TMEM196: variants seen among roughly 807,000 people sequenced by gnomAD.
The protein encoded by TMEM196 is transmembrane protein 196.
In TMEM196, 17 loss-of-function variants were observed where a neutral mutation model predicts 20.0. The observed-to-expected ratio is 0.85, with a 90% CI of 0.58 to 1.27. The LOEUF (loss-of-function observed/expected upper bound fraction) is 1.27. Ranked by LOEUF, TMEM196 falls within the 50% of genes most tolerant of loss-of-function variation. The probability of loss-of-function intolerance (pLI) is 0.00; values close to 1 mark genes in which losing one functional copy is unlikely to be tolerated. For synonymous variants in TMEM196, 113 were observed against 88.9 expected (o/e 1.27, Z -1.52); for missense variants, 267 against 223.0 (o/e 1.20, Z -1.26).
At chr7:19,727,459 G>A (rs1014828655) in intron 2 of TMEM196, among the ~76,000 whole-genome samples, 7 of 152,094 alleles carry the variant, frequency 4.6e-5, no homozygotes, top group African/African-American at 1.7e-4. Flanking sequence ...ATCCAATAAT[G>A]AACGGGTAAA....
intron 1 of TMEM196, among the ~76,000 whole-genome samples, chr7:19,751,567 T>C (rs1784961358): frequency 6.6e-6 from 1 of 152,240 alleles, no homozygotes; most frequent in South Asian, 2.1e-4. Context: ...GCAGGTATGC[T>C]GATACTTATC....
intron 1 of TMEM196, among the ~76,000 whole-genome samples, chr7:19,744,220 T>A (rs1485518220): frequency 1.3e-5 from 2 of 152,200 alleles, no homozygotes; most frequent in Non-Finnish European, 2.9e-5. Context: ...AGGACCATCA[T>A]AAAATAATTT....
In TMEM196 at chr7:19,721,792, G is replaced by T; in HGVS notation, c.*336C>A. Reference sequence around the variant, plus strand: ...GTCAAATAGTGTTTGTATAGAATATGCATTTTATTTCTGTTTTATTATCTC... The same window carrying T: ...GTCAAATAGTGTTTGTATAGAATATTCATTTTATTTCTGTTTTATTATCTC... On this transcript the variant is annotated 3_prime_UTR_variant, in exon 5 of 5. Coordinates refer to ENST00000405844, the MANE Select transcript of TMEM196 (RefSeq NM_001363562.2). 3.2e-6 allele frequency: 1 copy of T among 313,260 alleles called. No homozygotes were observed. Among genetic ancestry groups the T allele is most frequent in the Non-Finnish European group, 5.8e-6 (1 of 172,120 alleles). The allele number at this position is 313,260 out of a possible 1,614,324, so 19.4% of individuals were successfully genotyped here.
intron 1 of TMEM196, among the ~76,000 whole-genome samples, chr7:19,757,675 G>A (rs1170292193): frequency 6.6e-6 from 1 of 151,914 alleles, no homozygotes. Context: ...ATGAGTTAAA[G>A]TTACTCCTTT....
chr7:19,766,152 A>G (rs1183121701), intron 1 of TMEM196, among the ~76,000 whole-genome samples: 1 of 152,192 alleles, frequency 6.6e-6, no homozygotes, highest in Admixed American at 6.5e-5. Flanking sequence ...TGGTGAAGAA[A>G]TAAAACTTTT....
chr7:19,771,748 C>T (rs978894117), intron 1 of TMEM196, among the ~76,000 whole-genome samples: 3 of 152,074 alleles, frequency 2.0e-5, no homozygotes, highest in African/African-American at 7.2e-5. Context: ...CTAAGGCTTT[C>T]TTGGAGATTC....
At chr7:19,764,361 A>G (rs1005194285) in intron 1 of TMEM196, among the ~76,000 whole-genome samples, 3 of 152,082 alleles carry the variant, frequency 2.0e-5, no homozygotes, top group African/African-American at 7.2e-5. Flanking sequence ...TTCTTTCAGG[A>G]CCTTTTCAAG....
In TMEM196 at chr7:19,719,395, G is replaced by C. The variant is rs568131390; in HGVS notation, c.*2733C>G. The C allele has an allele frequency of 6.7e-6, 1 of 148,236 alleles. No homozygotes were observed. The highest frequency in any genetic ancestry group is 1.5e-5 in the Non-Finnish European group (1 of 65,540). The allele number at this position is 148,236 out of a possible 1,614,324, so 9.2% of individuals were successfully genotyped here. On this transcript the variant is annotated 3_prime_UTR_variant, in exon 5 of 5. Coordinates refer to ENST00000405844, the MANE Select transcript of TMEM196 (RefSeq NM_001363562.2). ...GTTCCACTTCCAAACCATTGTGTGT[G>C]TGTATATACACATATGTGTATGTAT...
intron 1 of TMEM196, among the ~76,000 whole-genome samples, chr7:19,745,912 T>TA (rs1317274398): frequency 7.9e-5 from 12 of 151,898 alleles, no homozygotes; most frequent in African/African-American, 2.4e-4. Flanking sequence ...ATCCAGATTT[T>TA]AAAAAATCAA....
At chr7:19,742,782 T>A (rs1281435382) in intron 1 of TMEM196, among the ~76,000 whole-genome samples, 3 of 152,214 alleles carry the variant, frequency 2.0e-5, no homozygotes, top group Middle Eastern at 3.4e-3. Flanking sequence ...TGGAATGACA[T>A]GGGGATACTT....
chr7:19,760,257 A>T (rs990135178), intron 1 of TMEM196, among the ~76,000 whole-genome samples: 1 of 149,658 alleles, frequency 6.7e-6, no homozygotes, highest in Non-Finnish European at 1.5e-5. Context: ...ATGCCTCATC[A>T]TTCCTGAGAA....
At chr7:19,758,438 A>T (rs572655074) in intron 1 of TMEM196, among the ~76,000 whole-genome samples, 1 of 152,202 alleles carries the variant, frequency 6.6e-6, no homozygotes, top group Non-Finnish European at 1.5e-5. Flanking sequence ...TGGCCAGATA[A>T]CTGCATTTTC....
intron 1 of TMEM196, among the ~76,000 whole-genome samples, chr7:19,748,263 CAAAAAAAAAA>C (rs57276805): frequency 5.1e-3 from 106 of 20,780 alleles, no homozygotes; most frequent in Non-Finnish European, 9.1e-3. Context: ...TGTGGCTGTC[CAAAAAAAAAA>C]AAAAAAAAAA....
At chr7:19,722,990 T>G (rs76287268) in intron 4 of TMEM196, among the ~76,000 whole-genome samples, 1,711 of 152,228 alleles carry the variant, frequency 0.011, 26 homozygotes, top group African/African-American at 0.039. Context: ...GCAGCATCTT[T>G]CCATGCTTGA....
rs575048111 is a variant in TMEM196, at chr7:19,719,637, A to T, written c.*2491T>A. ...AGGTAGTCACTTAAAACATTCCAGC[A>T]TGTGGTTCAATGTATTGTCCAAATT... On this transcript the variant is annotated 3_prime_UTR_variant, in exon 5 of 5. Coordinates refer to ENST00000405844, the MANE Select transcript of TMEM196 (RefSeq NM_001363562.2). 1.3e-5 allele frequency: 2 copies of T among 152,196 alleles called. No individual in the cohort carries two copies. The highest frequency in any genetic ancestry group is 2.1e-4 in the South Asian group (1 of 4,824). 9.4% of individuals were successfully genotyped at this position (152,196 alleles called of 1,614,324 possible).
intron 1 of TMEM196, among the ~76,000 whole-genome samples, chr7:19,733,982 T>G (rs891114987): frequency 6.6e-6 from 1 of 152,050 alleles, no homozygotes; most frequent in Non-Finnish European, 1.5e-5. Flanking sequence ...AGTCTACCAA[T>G]GAGGGGGAGA....
At position 19,739,842 on chromosome 7, in the gene TMEM196, A is replaced by G. The variant is rs555418237; in HGVS notation, c.148-10404T>C. ...CAGAAATCCTTTGATGCTGTTCTTT[A>G]CTGTTCGATAATCTTGGCAAAGATG... is the stretch of plus-strand genomic sequence containing the variant. On this transcript the variant is annotated intron_variant, in intron 1 of 4. Transcript: ENST00000405844. Among the ~76,000 whole-genome samples the G allele has an allele frequency of 3.2e-4, 49 of 152,292 alleles. 1 individual carries two copies. The highest frequency in any genetic ancestry group is 1.2e-3 in the African/African-American group (49 of 41,568).
At chr7:19,732,092 A>G (rs1784224174) in intron 1 of TMEM196, among the ~76,000 whole-genome samples, 2 of 152,206 alleles carry the variant, frequency 1.3e-5, no homozygotes, top group Admixed American at 1.3e-4. Flanking sequence ...TTCATTGGCT[A>G]TCTTTATTTA....
chr7:19,732,888 T>A (rs1784262448), intron 1 of TMEM196, among the ~76,000 whole-genome samples: 1 of 152,170 alleles, frequency 6.6e-6, no homozygotes, highest in African/African-American at 2.4e-5. Context: ...TGCAAAGCAC[T>A]TACCCACATC....
Sources: gnomAD v4.1 joint callset for allele counts (sites outside exome capture counted in the v4.1 genomes callset) on GRCh38, gnomAD v4.1.1 for gene constraint, MANE v1.5 for transcripts, NCBI Gene and HGNC (gene_info 2026-07-23, HGNC 2026-07-21) for gene names.